Variants in MACO1 observed in about 807,000 individuals in gnomAD.
The protein encoded by MACO1 is macoilin.
MACO1 carries 14 observed loss-of-function variants against 78.7 expected under a neutral mutation model. The ratio of observed to expected loss-of-function variants is 0.18; its 90% CI spans 0.12 to 0.28. MACO1 has a LOEUF of 0.28. MACO1 is among the 10% of genes least tolerant of loss of function. The pLI, the probability that MACO1 is intolerant of heterozygous loss-of-function variation, is 1.00. For synonymous variants in MACO1, 288 were observed against 291.6 expected (o/e 0.99, Z 0.12); for missense variants, 501 against 799.0 (o/e 0.63, Z 4.50).
chr1:25,439,134 A>T (rs1272377268), intron 1 of MACO1, among the ~76,000 whole-genome samples: 1 of 152,142 alleles, frequency 6.6e-6, no homozygotes, highest in Non-Finnish European at 1.5e-5. Context: ...ATTTTGAAAT[A>T]ATTTTAGATT....
chr1:25,431,699 C>G (rs994123824), intron 1 of MACO1, among the ~76,000 whole-genome samples: 1 of 152,164 alleles, frequency 6.6e-6, no homozygotes, highest in African/African-American at 2.4e-5. Flanking sequence ...GCATACTGGC[C>G]TGGGGCCATG....
intron 1 of MACO1, among the ~76,000 whole-genome samples, chr1:25,446,314 A>G (rs1246278530): frequency 3.3e-5 from 5 of 152,210 alleles, no homozygotes; most frequent in African/African-American, 1.2e-4. Flanking sequence ...TTAAGCATGT[A>G]AGGATGTGCG....
chr1:25,480,603 AT>A (rs1303999260), intron 6 of MACO1, among the ~76,000 whole-genome samples: 1 of 152,056 alleles, frequency 6.6e-6, no homozygotes, highest in African/African-American at 2.4e-5. Flanking sequence ...TTAGTCTTTG[AT>A]AAAATTTTTA....
intron 8 of MACO1, among the ~76,000 whole-genome samples, chr1:25,486,641 A>C (rs1368339876): frequency 6.6e-6 from 1 of 152,222 alleles, no homozygotes; most frequent in Non-Finnish European, 1.5e-5. Flanking sequence ...TCGTAATTAA[A>C]GTTAAGTAAT....
chr1:25,463,212 A>T (rs2043187120), intron 6 of MACO1, among the ~76,000 whole-genome samples: 1 of 152,214 alleles, frequency 6.6e-6, no homozygotes, highest in South Asian at 2.1e-4. Context: ...ATGTTGAATC[A>T]ATGAATGATA....
At chr1:25,497,639 C>T (rs184362466) in intron 10 of MACO1, among the ~76,000 whole-genome samples, 298 of 152,268 alleles carry the variant, frequency 2.0e-3, no homozygotes, top group South Asian at 3.9e-3. Flanking sequence ...TGATGTGGGT[C>T]ACACTAGCGT....
At chr1:25,463,459 C>G (rs1265414029) in intron 6 of MACO1, among the ~76,000 whole-genome samples, 1 of 152,076 alleles carries the variant, frequency 6.6e-6, no homozygotes, top group African/African-American at 2.4e-5. Context: ...ACAAAATGAC[C>G]CTGTTTTCTA....
At chr1:25,437,647 C>T (rs2042931385) in intron 1 of MACO1, among the ~76,000 whole-genome samples, 1 of 152,020 alleles carries the variant, frequency 6.6e-6, no homozygotes, top group African/African-American at 2.4e-5. Context: ...GAATTTTTGG[C>T]CGGGTGTGAT....
At chr1:25,480,071 A>G (rs1046771369) in intron 6 of MACO1, among the ~76,000 whole-genome samples, 6 of 152,242 alleles carry the variant, frequency 3.9e-5, no homozygotes, top group African/African-American at 1.4e-4. Flanking sequence ...GTGACTGGGT[A>G]TCAAAAATAA....
intron 3 of MACO1, among the ~76,000 whole-genome samples, chr1:25,450,852 T>C (rs2043058982): frequency 6.6e-6 from 1 of 152,248 alleles, no homozygotes; most frequent in South Asian, 2.1e-4. Flanking sequence ...TCTCAGCTTC[T>C]CTGTTATATA....
chr1:25,460,291 A>G (rs958877932), intron 6 of MACO1, among the ~76,000 whole-genome samples: 3 of 152,156 alleles, frequency 2.0e-5, no homozygotes, highest in Non-Finnish European at 4.4e-5. Context: ...CCAGATGCCC[A>G]TGGGAGAAAG....
intron 1 of MACO1, among the ~76,000 whole-genome samples, chr1:25,438,015 GA>G (rs1041110949): frequency 9.4e-5 from 14 of 149,432 alleles, no homozygotes; most frequent in Admixed American, 2.0e-4. Flanking sequence ...CAATTTAAAG[GA>G]AAAAAAAAAT....
rs113244451 is a variant in MACO1, at chr1:25,431,887, T to C, written c.80+709T>C. Among the ~76,000 whole-genome samples, 5 of 149,624 alleles carry C rather than the reference T, an allele frequency of 3.3e-5. 1 individual carries two copies. Among genetic ancestry groups the C allele is most frequent in the African/African-American group, 1.2e-4 (5 of 40,290 alleles). On this transcript the variant is annotated intron_variant, in intron 1 of 10. Coordinates refer to ENST00000374343, the MANE Select transcript of MACO1 (RefSeq NM_018202.6). ...CCAAGCAGATAGCTTGCTTTGAACG[T>C]TTTTAAAAAGGGATTTTCTCCAAAC...
intron 6 of MACO1, among the ~76,000 whole-genome samples, chr1:25,478,844 C>A (rs1440211745): frequency 2.0e-5 from 3 of 152,208 alleles, no homozygotes; most frequent in Non-Finnish European, 4.4e-5. Flanking sequence ...CAGGGCAGGC[C>A]TTTGTAAGGG....
intron 1 of MACO1, among the ~76,000 whole-genome samples, chr1:25,441,839 G>A (rs2042975776): frequency 6.6e-6 from 1 of 152,160 alleles, no homozygotes; most frequent in African/African-American, 2.4e-5. Context: ...GACTCAGAAA[G>A]AAATGTAGAA....
intron 7 of MACO1, among the ~76,000 whole-genome samples, chr1:25,484,804 C>G (rs2043414690): frequency 6.6e-6 from 1 of 151,898 alleles, no homozygotes; most frequent in Non-Finnish European, 1.5e-5. Flanking sequence ...TTTAAATCTC[C>G]CAGCAATGTG....
chr1:25,478,775 T>C (rs1242312992), intron 6 of MACO1, among the ~76,000 whole-genome samples: 1 of 152,236 alleles, frequency 6.6e-6, no homozygotes, highest in Non-Finnish European at 1.5e-5. Flanking sequence ...ACATATTTAT[T>C]GTACATATAA....
At chr1:25,453,297 G>A (rs1321590354) in intron 3 of MACO1, among the ~76,000 whole-genome samples, 2 of 151,190 alleles carry the variant, frequency 1.3e-5, no homozygotes, top group South Asian at 2.1e-4. Flanking sequence ...GAGCCACTGC[G>A]CCCAGCCCAG....
chr1:25,471,832 C>T (rs2043274247), intron 6 of MACO1, among the ~76,000 whole-genome samples: 1 of 152,194 alleles, frequency 6.6e-6, no homozygotes, highest in Non-Finnish European at 1.5e-5. Flanking sequence ...AGTCTCTTTG[C>T]TCCAAACCCC....
Sources: allele counts gnomAD v4.1 joint callset (sites outside exome capture counted in the v4.1 genomes callset), GRCh38; gene constraint gnomAD v4.1.1; transcripts MANE v1.5; gene names NCBI Gene and HGNC (gene_info 2026-07-23, HGNC 2026-07-21).